Variants in CADM2 observed in about 807,000 individuals in gnomAD.
CADM2 encodes the protein immunoglobulin superfamily member 4D.
Under a neutral mutation model 49.8 loss-of-function variants are expected in CADM2, and 12 were observed. The observed-to-expected ratio is 0.24, with a 90% CI of 0.15 to 0.39. The LOEUF (loss-of-function observed/expected upper bound fraction) is 0.39. CADM2 is among the 10% of genes least tolerant of loss of function. The probability of loss-of-function intolerance (pLI) is 1.00; values close to 1 mark genes in which losing one functional copy is unlikely to be tolerated. For synonymous variants in CADM2, 214 were observed against 175.4 expected, an observed-to-expected ratio of 1.22 and a Z score of -1.74; for missense variants, 378 against 492.3, an observed-to-expected ratio of 0.77 and a Z score of 2.20.
intron 1 of CADM2, among the ~76,000 whole-genome samples, chr3:85,064,074 T>C (rs2036433417): frequency 1.3e-5 from 2 of 152,064 alleles, no homozygotes; most frequent in Admixed American, 1.3e-4. Context: ...CATAATCTGT[T>C]CAATTGTTTT....
chr3:86,005,547 G>A (rs1272676798), intron 8 of CADM2, among the ~76,000 whole-genome samples: 4 of 120,810 alleles, frequency 3.3e-5, no homozygotes, highest in South Asian at 3.1e-4. Flanking sequence ...GCGAGACTCC[G>A]TCTCATATAA....
intron 8 of CADM2, among the ~76,000 whole-genome samples, chr3:86,020,103 GA>G (rs1274714496): frequency 2.0e-5 from 3 of 151,584 alleles, no homozygotes; most frequent in African/African-American, 4.8e-5. Flanking sequence ...GACTAATAAA[GA>G]AAAAAAGAGA....
chr3:85,535,414 T>G (rs1018661387), intron 1 of CADM2, among the ~76,000 whole-genome samples: 7 of 152,156 alleles, frequency 4.6e-5, no homozygotes, highest in Non-Finnish European at 7.4e-5. Flanking sequence ...ATTGTCCATC[T>G]AAAATAAACA....
chr3:85,398,743 T>C (rs998760859), intron 1 of CADM2, among the ~76,000 whole-genome samples: 1 of 152,212 alleles, frequency 6.6e-6, no homozygotes, highest in Non-Finnish European at 1.5e-5. Flanking sequence ...GATTTGCATT[T>C]CTCTGATGGC....
At chr3:85,723,316 T>A (rs1436121367) in intron 1 of CADM2, among the ~76,000 whole-genome samples, 3 of 152,186 alleles carry the variant, frequency 2.0e-5, no homozygotes, top group Admixed American at 2.0e-4. Context: ...TCTGTTCTGT[T>A]TATTTTATCT....
At chr3:85,648,566 T>C (rs1412823369) in intron 1 of CADM2, among the ~76,000 whole-genome samples, 3 of 152,040 alleles carry the variant, frequency 2.0e-5, no homozygotes, top group African/African-American at 7.2e-5. Context: ...CTCTTAAATG[T>C]TTAAAATCAT....
chr3:85,695,122 G>T (rs1290437696), intron 1 of CADM2, among the ~76,000 whole-genome samples: 1 of 151,926 alleles, frequency 6.6e-6, no homozygotes, highest in East Asian at 1.9e-4. Context: ...TTAAAATAAT[G>T]ACTTAAATAT....
At chr3:85,702,254 A>G (rs990637533) in intron 1 of CADM2, among the ~76,000 whole-genome samples, 7 of 152,052 alleles carry the variant, frequency 4.6e-5, no homozygotes, top group Non-Finnish European at 1.0e-4. Context: ...CTAACAACTC[A>G]GGGTAACTGT....
At chr3:85,032,461 C>T (rs1055032828) in intron 1 of CADM2, among the ~76,000 whole-genome samples, 2 of 151,974 alleles carry the variant, frequency 1.3e-5, no homozygotes, top group Non-Finnish European at 2.9e-5. Flanking sequence ...GCAGAATGTA[C>T]TAAAATTATG....
intron 8 of CADM2, among the ~76,000 whole-genome samples, chr3:85,984,740 G>A (rs1334203013): frequency 1.3e-5 from 2 of 151,764 alleles, no homozygotes; most frequent in East Asian, 3.9e-4. Context: ...TCCAAAAAAT[G>A]GTGATTAAAG....
chr3:85,395,968 A>G (rs1247122522), intron 1 of CADM2, among the ~76,000 whole-genome samples: 2 of 148,632 alleles, frequency 1.3e-5, no homozygotes, highest in African/African-American at 4.9e-5. Flanking sequence ...TTAAATTATC[A>G]TAATGATAAT....
At chr3:85,764,967 T>C (rs1397693043) in intron 2 of CADM2, among the ~76,000 whole-genome samples, 1 of 152,002 alleles carries the variant, frequency 6.6e-6, no homozygotes, top group Non-Finnish European at 1.5e-5. Context: ...TTCTGTTTTT[T>C]TGTTTGTTTT....
chr3:84,974,864 G>A (rs77906057), intron 1 of CADM2, among the ~76,000 whole-genome samples: 7,523 of 151,696 alleles, frequency 0.05, 223 homozygotes, highest in East Asian at 0.1. Flanking sequence ...CTCATAGTTG[G>A]CTTTTTATTT....
At position 85,038,305 on chromosome 3, in the gene CADM2, T is replaced by G. The variant is rs185445462; in HGVS notation, c.61+78637T>G. ...ACACTTATGCATACTACAGACTGTT[T>G]AGTGAAAATTAAATAAGAAAATATA... On this transcript the variant is annotated intron_variant, in intron 1 of 9. Coordinates refer to ENST00000383699, the MANE Select transcript of CADM2 (RefSeq NM_001167675.2). Among the ~76,000 whole-genome samples, 599 of 152,322 alleles carry G rather than the reference T, an allele frequency of 3.9e-3. 2 individuals carry two copies. The highest frequency in any genetic ancestry group is 6.5e-3 in the Non-Finnish European group (439 of 68,022).
intron 7 of CADM2, among the ~76,000 whole-genome samples, chr3:85,955,897 T>G (rs1723998215): frequency 2.6e-5 from 4 of 151,640 alleles, no homozygotes; most frequent in African/African-American, 9.7e-5. Context: ...TATAAACATA[T>G]TTTGTCTCTC....
At chr3:85,739,009 A>T (rs1468048109) in intron 2 of CADM2, among the ~76,000 whole-genome samples, 1 of 152,134 alleles carries the variant, frequency 6.6e-6, no homozygotes. Flanking sequence ...TTTAAAATAA[A>T]GTATGTATAG....
At chr3:85,670,431 A>G (rs994720312) in intron 1 of CADM2, among the ~76,000 whole-genome samples, 1 of 152,060 alleles carries the variant, frequency 6.6e-6, no homozygotes, top group Non-Finnish European at 1.5e-5. Flanking sequence ...AGCCTGCCTT[A>G]CTCAATAGTC....
intron 2 of CADM2, among the ~76,000 whole-genome samples, chr3:85,762,613 C>CTCTCTCTGTG (rs1553682286): frequency 6.8e-6 from 1 of 147,978 alleles, no homozygotes; most frequent in East Asian, 2.0e-4. Context: ...CTCTCTCTCT[C>CTCTCTCTGTG]TCTCTCTCTG....
intron 1 of CADM2, among the ~76,000 whole-genome samples, chr3:85,425,467 C>G (rs2036356984): frequency 6.6e-6 from 1 of 152,074 alleles, no homozygotes; most frequent in Non-Finnish European, 1.5e-5. Flanking sequence ...ATTAACATAT[C>G]CATTACCTCA....
Sources: allele counts gnomAD v4.1 joint callset (sites outside exome capture counted in the v4.1 genomes callset), GRCh38; gene constraint gnomAD v4.1.1; transcripts MANE v1.5; gene names NCBI Gene and HGNC (gene_info 2026-07-23, HGNC 2026-07-21).